ARHGAP30: variants seen among roughly 807,000 people sequenced by gnomAD.
The protein encoded by ARHGAP30 is Rho GTPase activating protein 30.
In ARHGAP30, 23 loss-of-function variants were observed where a neutral mutation model predicts 72.0. That is an observed-to-expected ratio of 0.32 (90% CI 0.23 to 0.45). The LOEUF (loss-of-function observed/expected upper bound fraction) is 0.45. Among genes scored for constraint, ARHGAP30 ranks in the 20% least tolerant of loss-of-function variants. ARHGAP30 has a pLI of 1.00. For missense variants in ARHGAP30, 1,319 were observed against 1,383.4 expected, an observed-to-expected ratio of 0.95 and a Z score of 0.74; for synonymous variants, 576 against 528.2, an observed-to-expected ratio of 1.09 and a Z score of -1.24.
chr1:161,048,558 T>G lies in ARHGAP30; in HGVS notation c.2463A>C (p.Arg821Ser). ...RKDQGDGEDS[R>S]SPEAATEGGA... is the part of the protein sequence containing the mutation. ...CTCCTTCAGTTGCTGCTTCTGGGCT[T>G]CTGCTGTCTTCACCATCTCCTTGGT... The change falls in exon 12 of 12, where the codon AGA becomes AGC. Residue 821 changes from arginine (R) to serine (S), a missense_variant. Coordinates refer to ENST00000368013, the MANE Select transcript of ARHGAP30 (RefSeq NM_001025598.2). The G allele has an allele frequency of 6.2e-7, 1 of 1,614,140 alleles. No homozygotes were observed. Among genetic ancestry groups the G allele is most frequent in the East Asian group, 2.2e-5 (1 of 44,880 alleles).
At chr1:161,056,150 C>G (rs1651863498) in intron 3 of ARHGAP30, among the ~76,000 whole-genome samples, 1 of 151,960 alleles carries the variant, frequency 6.6e-6, no homozygotes, top group Admixed American at 6.6e-5. Context: ...ATCTTCAGGC[C>G]TTAGGGAGAA....
chr1:161,069,695 G>A lies in ARHGAP30; in HGVS notation c.-71C>T. ...ACCTGTGCCCTACCAGTCCCCCATG[G>A]GATCCCAGCCAGCTGCTGGGCTTGG... On this transcript the variant is annotated 5_prime_UTR_variant, in exon 1 of 12. Transcript: ENST00000368013. The surrounding 1 kb of genome is among the most constrained non-coding windows in gnomAD (Gnocchi z 4.9). The A allele has an allele frequency of 6.6e-7, 1 of 1,520,912 alleles. No individual in the cohort carries two copies. The highest frequency in any genetic ancestry group is 1.1e-5 in the South Asian group (1 of 89,262). The allele number at this position is 1,520,912 out of a possible 1,614,324, so 94.2% of individuals were successfully genotyped here.
rs1426098854 is a variant in ARHGAP30, at chr1:161,047,684, T to C, written c.*31A>G. 2 of 1,496,740 alleles carry C rather than the reference T, an allele frequency of 1.3e-6. No individual in the cohort carries two copies. The highest frequency in any genetic ancestry group is 1.4e-5 in the South Asian group (1 of 70,536). The allele number at this position is 1,496,740 out of a possible 1,614,324, so 92.7% of individuals were successfully genotyped here. A position where few individuals can be genotyped will look rare whatever the true frequency, so the allele number is the denominator to read the frequency against. On this transcript the variant is annotated 3_prime_UTR_variant, in exon 12 of 12. Coordinates refer to ENST00000368013, the MANE Select transcript of ARHGAP30 (RefSeq NM_001025598.2). ...ACCCTGGAGATTCAAGACAACTTGCTGGTCCCCTTTGCCCAGGGCTGTGGT... is the reference window on the plus strand; with the variant it reads ...ACCCTGGAGATTCAAGACAACTTGCCGGTCCCCTTTGCCCAGGGCTGTGGT...
chr1:161,054,507 A>G, intron 4 of ARHGAP30, 34 bp from the exon 5 acceptor site: 1 of 1,607,786 alleles, frequency 6.2e-7, no homozygotes, highest in Non-Finnish European at 8.5e-7. Context: ...CACACAGGGA[A>G]TGCCCAGGGC....
At chr1:161,052,818 G>C (rs1362933953) in intron 6 of ARHGAP30, 21 bp from the exon 7 acceptor site, 1 of 1,607,412 alleles carries the variant, frequency 6.2e-7, no homozygotes, top group African/African-American at 1.3e-5. Context: ...AAAAGGAATT[G>C]GCCAGCCAGG....
intron 1 of ARHGAP30, among the ~76,000 whole-genome samples, chr1:161,062,443 C>T (rs1198248153): frequency 3.9e-5 from 6 of 151,940 alleles, no homozygotes; most frequent in Non-Finnish European, 7.4e-5. Context: ...TAAGACACAT[C>T]TTAGGCCAGG....
Position 161,048,516 on chromosome 1 carries a change from G to A in ARHGAP30, c.2505C>T (p.Ser835=). 6.2e-7 allele frequency: 1 copy of A among 1,613,998 alleles called. No individual in the cohort carries two copies. Among genetic ancestry groups the A allele is most frequent in the Non-Finnish European group, 8.5e-7 (1 of 1,179,980 alleles). Residue 835 remains serine, a synonymous_variant, in exon 12 of 12, where the codon AGC becomes AGT. Transcript: ENST00000368013. The part of the protein sequence containing the change: ...AATEGGAGEV[S]KERESGDGEA... ...CTCCATCCCCACTCTCCCGTTCCTT[G>A]CTGACCTCCCCTGCTCCTCCTTCAG...
rs562996212 is a variant in ARHGAP30, at chr1:161,049,682, C to A, written c.1428G>T (p.Lys476Asn). The A allele has an allele frequency of 5.6e-6, 9 of 1,612,926 alleles. No homozygotes were observed. In the Admixed American group the frequency reaches 6.7e-5, roughly 12 times the overall value. ...PGLGPGPPDEKLEASPASSPL... is the reference protein window; with the variant it reads ...PGLGPGPPDENLEASPASSPL... ...GACTTGAGGCTGGACTTGCTTCCAA[C>A]TTTTCATCTGTTGGGGGAGAAGTAG... Residue 476 changes from lysine (K) to asparagine (N), a missense_variant, in exon 11 of 12, where the codon AAG becomes AAT. By Grantham distance (94) the Lys-to-Asn change is moderately conservative. Transcript: ENST00000368013.
chr1:161,049,705 T>G lies in ARHGAP30; in HGVS notation c.1421-16A>C. 2 of 1,609,082 alleles carry G rather than the reference T, an allele frequency of 1.2e-6. No individual in the cohort carries two copies. The highest frequency in any genetic ancestry group is 1.7e-6 in the Non-Finnish European group (2 of 1,177,358). On this transcript the variant is annotated splice_polypyrimidine_tract_variant and intron_variant, in intron 10 of 11. Coordinates refer to ENST00000368013, the MANE Select transcript of ARHGAP30 (RefSeq NM_001025598.2). ...AACTTTTCATCTGTTGGGGGAGAAGTAGTCCCAGGAATACAAAGGTCAAGC... is the reference window on the plus strand; with the variant it reads ...AACTTTTCATCTGTTGGGGGAGAAGGAGTCCCAGGAATACAAAGGTCAAGC...
chr1:161,064,031 G>A lies in ARHGAP30; in HGVS notation c.98-4315C>T, dbSNP rs531352048. On this transcript the variant is annotated intron_variant, in intron 1 of 11. Transcript: ENST00000368013. ...AATTTCGCTTTGGTCCTTTGGTCCT[G>A]TGATCTCACCCTGCCTCCACTTGCC... Among the ~76,000 whole-genome samples, 5 of 152,350 alleles carry A rather than the reference G, an allele frequency of 3.3e-5. No individual in the cohort carries two copies. In the South Asian group the frequency reaches 1.0e-3, roughly 32 times the overall value.
intron 10 of ARHGAP30, among the ~76,000 whole-genome samples, chr1:161,050,832 G>T (rs1651304801): frequency 6.6e-6 from 1 of 151,908 alleles, no homozygotes; most frequent in Non-Finnish European, 1.5e-5. Flanking sequence ...AGTAGAGATG[G>T]GGTTTCGCCA....
At chr1:161,066,853 G>A (rs1481824628) in intron 1 of ARHGAP30, among the ~76,000 whole-genome samples, 2 of 151,974 alleles carry the variant, frequency 1.3e-5, no homozygotes, top group African/African-American at 2.4e-5. Context: ...GCAGAGATAG[G>A]GCAGGCCCCT....
Position 161,047,478 on chromosome 1 carries a change from A to C in ARHGAP30, c.*237T>G. On this transcript the variant is annotated 3_prime_UTR_variant, in exon 12 of 12. Transcript: ENST00000368013. ...TTGGCCAATGACCCACTCCCTGGGA[A>C]CAAGATCTTGTTGACTTTCTTGGGA... The C allele has an allele frequency of 2.2e-4, 70 of 318,790 alleles. No homozygotes were observed. Among genetic ancestry groups the C allele is most frequent in the Non-Finnish European group, 2.4e-4 (42 of 175,982 alleles). The allele number at this position is 318,790 out of a possible 1,614,324, so 19.7% of individuals were successfully genotyped here.
In ARHGAP30 at chr1:161,052,311, CAGTG is replaced by C; in HGVS notation, c.989_992del (p.Ser330Ter). Reference sequence around the variant, plus strand: ...CATCACTGGCCCCAGCTGCAGCACTCAGTGAGTCCATGCTTTTGGCTGGCCGCAG... The same window carrying C: ...CATCACTGGCCCCAGCTGCAGCACTCAGTCCATGCTTTTGGCTGGCCGCAG... On this transcript the variant is annotated frameshift_variant, in exon 9 of 12. Coordinates refer to ENST00000368013, the MANE Select transcript of ARHGAP30 (RefSeq NM_001025598.2). LOFTEE classifies it high-confidence loss of function. The C allele has an allele frequency of 2.5e-6, 4 of 1,614,042 alleles. No individual in the cohort carries two copies. The highest frequency in any genetic ancestry group is 2.5e-6 in the Non-Finnish European group (3 of 1,180,034).
At position 161,056,467 on chromosome 1, in the gene ARHGAP30, C is replaced by T; in HGVS notation, c.266G>A (p.Cys89Tyr). Residue 89 changes from cysteine to tyrosine, a missense_variant, in exon 3 of 12, where the codon TGC (cysteine) becomes TAC (tyrosine). Cys to Tyr is a radical substitution (Grantham distance 194). Around this residue, in one of 2 missense-constraint regions of ARHGAP30, gnomAD observed 222 missense variants for 338.2 expected, o/e 0.66. Coordinates refer to ENST00000368013, the MANE Select transcript of ARHGAP30 (RefSeq NM_001025598.2). Reference protein sequence around the residue: ...RRDVYLQDIHCVSSLCKAYFR... With the variant: ...RRDVYLQDIHYVSSLCKAYFR... ...ATAGGCCTTGCACAGGGAGGAGACG[C>T]AGTGAATGTCTTGGAGGTAAACATC... The T allele has an allele frequency of 6.2e-7, 1 of 1,614,022 alleles. No homozygotes were observed. The highest frequency in any genetic ancestry group is 8.5e-7 in the Non-Finnish European group (1 of 1,179,994).
chr1:161,054,558 A>C, intron 4 of ARHGAP30, 65 bp downstream of exon 4: 2 of 1,600,572 alleles, frequency 1.2e-6, no homozygotes, highest in Non-Finnish European at 1.7e-6. Flanking sequence ...GGACCCAGTT[A>C]AGGCTCCAGG....
Position 161,069,589 on chromosome 1 carries a change from G to C in ARHGAP30, c.36C>G (p.Ser12Arg). The change falls in exon 1 of 12, where the codon AGC becomes AGG. Residue 12 changes from serine to arginine, a missense_variant. Ser to Arg is a moderately radical substitution (Grantham distance 110). Coordinates refer to ENST00000368013, the MANE Select transcript of ARHGAP30 (RefSeq NM_001025598.2). This position sits in a 1 kb window ranked among gnomAD's most constrained non-coding sequence, Gnocchi z 4.9. ...CGCACCCAAAAACCCGCTCCTTTGC[G>C]CTGCCCTTCTTCTTTCCTTTCTGCC... is the stretch of plus-strand genomic sequence containing the variant. The part of the protein sequence containing the change: ...KSRQKGKKKG[S>R]AKERVFGCDL... 6.2e-7 allele frequency: 1 copy of C among 1,611,468 alleles called. No homozygotes were observed.
intron 1 of ARHGAP30, among the ~76,000 whole-genome samples, chr1:161,068,977 T>C (rs6671492): frequency 0.8 from 121,160 of 151,972 alleles, 48,457 homozygotes; most frequent in African/African-American, 0.85. Flanking sequence ...GGGGCAGAGG[T>C]TGTTTCCAGC....
Position 161,048,979 on chromosome 1 carries a change from G to A in ARHGAP30, c.2042C>T (p.Thr681Ile), listed in dbSNP as rs896554982. ...IREEAEGSPE[T>I]KVEAGKASED... ...ACTGGCCTTTCCAGCCTCCACCTTGGTCTCTGGACTTCCCTCTGCCTCTTC... is the reference window on the plus strand; with the variant it reads ...ACTGGCCTTTCCAGCCTCCACCTTGATCTCTGGACTTCCCTCTGCCTCTTC... Residue 681 changes from threonine to isoleucine, a missense_variant, in exon 12 of 12, where the codon ACC becomes ATC. Transcript: ENST00000368013. The A allele has an allele frequency of 1.2e-6, 2 of 1,613,294 alleles. No homozygotes were observed. The highest frequency in any genetic ancestry group is 2.7e-5 in the African/African-American group (2 of 74,730).
Sources: allele counts gnomAD v4.1 joint callset (sites outside exome capture counted in the v4.1 genomes callset), GRCh38; gene constraint gnomAD v4.1.1; regional missense constraint gnomAD v4.1.1; non-coding constraint Gnocchi (gnomAD v3.1); transcripts MANE v1.5; gene names NCBI Gene and HGNC (gene_info 2026-07-23, HGNC 2026-07-21).